The following CAPN5 variants were observed in gnomAD, a reference collection of about 807,000 sequenced individuals.
CAPN5 encodes the protein calpain-5.
CAPN5 carries 54 observed loss-of-function variants against 73.0 expected under a neutral mutation model. That is an observed-to-expected ratio of 0.74 (90% CI 0.59 to 0.93). The LOEUF (loss-of-function observed/expected upper bound fraction) is 0.93, where lower values mean the gene tolerates loss of function less well. CAPN5 is among the 40% of genes least tolerant of loss of function. The pLI is 0.00. For missense variants in CAPN5, 785 were observed against 882.9 expected (o/e 0.89, Z 1.41); for synonymous variants, 335 against 356.9 (o/e 0.94, Z 0.69).
At chr11:77,088,904 G>A (rs1555036063) in intron 2 of CAPN5, among the ~76,000 whole-genome samples, 4 of 152,152 alleles carry the variant, frequency 2.6e-5, no homozygotes, top group South Asian at 2.1e-4. Context: ...GCAGGGGAGC[G>A]GTGACTGCAG....
At chr11:77,100,553 G>C (rs922522082) in intron 3 of CAPN5, among the ~76,000 whole-genome samples, 2 of 152,252 alleles carry the variant, frequency 1.3e-5, no homozygotes, top group South Asian at 2.1e-4. Context: ...AGTAGAAGTT[G>C]ATCACACCCA....
In CAPN5 at chr11:77,085,032, T is replaced by C. The variant is rs1555035254; in HGVS notation, c.146T>C (p.Val49Ala). Reference protein sequence around the residue: ...LYYKGTPGPAVRWKRPKGICE... With the variant: ...LYYKGTPGPAARWKRPKGICE... ...TATAAGGGCACGCCGGGGCCCGCCGTCAGGTGGAAGCGACCCAAGGTCAGT... is the reference window on the plus strand; with the variant it reads ...TATAAGGGCACGCCGGGGCCCGCCGCCAGGTGGAAGCGACCCAAGGTCAGT... Residue 49 changes from valine (V) to alanine (A), a missense_variant, in exon 2 of 13, where the codon GTC becomes GCC. Physicochemically the swap from Val to Ala is moderately conservative, Grantham distance 64. Transcript: ENST00000648180. 2 of 1,613,450 alleles carry C rather than the reference T, an allele frequency of 1.2e-6. No homozygotes were observed. The highest frequency in any genetic ancestry group is 1.7e-6 in the Non-Finnish European group (2 of 1,180,006).
intron 1 of CAPN5, among the ~76,000 whole-genome samples, chr11:77,084,319 C>CTCACG (rs1950058714): frequency 5.9e-5 from 9 of 152,168 alleles, no homozygotes; most frequent in Admixed American, 5.9e-4. Flanking sequence ...ACGCCTATTC[C>CTCACG]CAAGATGCTG....
intron 2 of CAPN5, chr11:77,087,938 C>T (rs938829731): frequency 6.5e-7 from 1 of 1,536,052 alleles, no homozygotes; most frequent in African/African-American, 1.4e-5. Context: ...TTTGTTCTTT[C>T]CAGTACAGTG....
intron 1 of CAPN5, among the ~76,000 whole-genome samples, chr11:77,077,560 G>A (rs1362231517): frequency 1.3e-5 from 2 of 150,238 alleles, no homozygotes; most frequent in Non-Finnish European, 3.0e-5. Flanking sequence ...ATGGAGTTTC[G>A]CTCTTGTCTC....
At chr11:77,100,025 T>C (rs1235972496) in intron 3 of CAPN5, among the ~76,000 whole-genome samples, 2 of 152,136 alleles carry the variant, frequency 1.3e-5, no homozygotes, top group African/African-American at 4.8e-5. Context: ...TTAGTAGAGA[T>C]GGGGTTTCAC....
In CAPN5 at chr11:77,114,330, CT is replaced by C; in HGVS notation, c.596del (p.Leu199ArgfsTer21). The C allele has an allele frequency of 6.2e-7, 1 of 1,614,172 alleles. No individual in the cohort carries two copies. The highest frequency in any genetic ancestry group is 1.6e-4 in the Middle Eastern group (1 of 6,062). Reference sequence around the variant, plus strand: ...GGGTGGTGTTTCTGAGCCCATCGACCTGACCGAGGGTGACTTTGCCAACGAT... The same window carrying C: ...GGGTGGTGTTTCTGAGCCCATCGACCGACCGAGGGTGACTTTGCCAACGAT... ...FTGGVSEPID[L>X]TEGDFANDET... is the part of the protein sequence containing the mutation. On this transcript the variant is annotated frameshift_variant, in exon 5 of 13. Transcript: ENST00000648180. LOFTEE classifies it high-confidence loss of function.
At chr11:77,094,155 C>T (rs1950184660) in intron 3 of CAPN5, among the ~76,000 whole-genome samples, 1 of 152,242 alleles carries the variant, frequency 6.6e-6, no homozygotes, top group Admixed American at 6.5e-5. Context: ...ACTGATGGGG[C>T]TCAGGAGACC....
intron 3 of CAPN5, chr11:77,102,831 A>T: frequency 6.4e-7 from 1 of 1,567,502 alleles, no homozygotes; most frequent in Non-Finnish European, 8.6e-7. Flanking sequence ...TGGCAGCAGC[A>T]CTTGGGCCAT....
At position 77,093,691 on chromosome 11, in the gene CAPN5, G is replaced by A. The variant is rs1333223218; in HGVS notation, c.175G>A (p.Glu59Lys). Residue 59 changes from glutamate (E) to lysine (K), a missense_variant, in exon 3 of 13, where the codon GAG (glutamate) becomes AAG (lysine). Physicochemically the swap from Glu to Lys is moderately conservative, Grantham distance 56 (BLOSUM62 1). Transcript: ENST00000648180. Reference protein sequence around the residue: ...VRWKRPKGICEDPRLFVDGIS... With the variant: ...VRWKRPKGICKDPRLFVDGIS... Reference sequence around the variant, plus strand: ...CTCGCCTTCTCCGCAGGGCATCTGCGAGGACCCCCGCCTCTTTGTGGATGG... The same window carrying A: ...CTCGCCTTCTCCGCAGGGCATCTGCAAGGACCCCCGCCTCTTTGTGGATGG... The A allele has an allele frequency of 3.1e-5, 50 of 1,594,414 alleles. No homozygotes were observed. The highest frequency in any genetic ancestry group is 1.8e-4 in the East Asian group (8 of 44,094).
At chr11:77,105,985 C>G (rs1555039795) in intron 3 of CAPN5, among the ~76,000 whole-genome samples, 1 of 152,184 alleles carries the variant, frequency 6.6e-6, no homozygotes, top group East Asian at 1.9e-4. Context: ...GGCCCCATGA[C>G]ACTGGTCCCT....
At chr11:77,091,841 C>A (rs1164604854) in intron 2 of CAPN5, among the ~76,000 whole-genome samples, 3 of 152,232 alleles carry the variant, frequency 2.0e-5, no homozygotes, top group Non-Finnish European at 4.4e-5. Context: ...AGCTTCCTAG[C>A]ACCTGAAAAT....
At chr11:77,098,894 G>A (rs1950249198) in intron 3 of CAPN5, among the ~76,000 whole-genome samples, 1 of 130,000 alleles carries the variant, frequency 7.7e-6, no homozygotes, top group African/African-American at 3.2e-5. Context: ...CTTCCCAGAT[G>A]GGGTGGCTGC....
rs149349503 is a variant in CAPN5, at chr11:77,116,831, G to A, written c.971+528G>A. 2.8e-4 allele frequency among the ~76,000 whole-genome samples: 42 copies of A among 152,334 alleles called. No individual in the cohort carries two copies. The East Asian group carries it at 4.0e-3, about 15-fold the overall frequency. On this transcript the variant is annotated intron_variant, in intron 7 of 12. Transcript: ENST00000648180. ...AGACTTGAGGTACAGAGTAGGCCTT[G>A]GTGGGCAAGGAAGAGGACGTGGCTC...
In CAPN5 at chr11:77,119,540, T is replaced by C. The variant is rs1463885320; in HGVS notation, c.1290+388T>C. 3.0e-5 allele frequency: 6 copies of C among 200,056 alleles called. No individual in the cohort carries two copies. In the South Asian group the frequency reaches 6.5e-4, roughly 22 times the overall value. The allele number at this position is 200,056 out of a possible 1,614,324, so 12.4% of individuals were successfully genotyped here. Reference sequence around the variant, plus strand: ...TTGCAGCCCCTTAGCCTTCCTGCATTGGAGGCCTTGCTGGGCACCAGGAGG... The same window carrying C: ...TTGCAGCCCCTTAGCCTTCCTGCATCGGAGGCCTTGCTGGGCACCAGGAGG... On this transcript the variant is annotated intron_variant, in intron 9 of 12. Transcript: ENST00000648180.
At chr11:77,075,928 A>AT (rs1422502859) in intron 1 of CAPN5, among the ~76,000 whole-genome samples, 1 of 152,134 alleles carries the variant, frequency 6.6e-6, no homozygotes, top group African/African-American at 2.4e-5. Flanking sequence ...AAAAAAATGG[A>AT]TTTTTTAAAT....
chr11:77,118,905 A>G, intron 8 of CAPN5, 125 bp from the exon 9 acceptor site: 1 of 1,054,356 alleles, frequency 9.5e-7, no homozygotes, highest in Non-Finnish European at 1.4e-6. Flanking sequence ...CAGCAGAGGG[A>G]CCAAGGCGCA....
At chr11:77,067,366 C>T (rs1386952166) in intron 1 of CAPN5, among the ~76,000 whole-genome samples, 3 of 149,896 alleles carry the variant, frequency 2.0e-5, no homozygotes, top group East Asian at 2.0e-4. Flanking sequence ...GTCTCCGAGT[C>T]GTTTTCCTAG....
At chr11:77,077,536 T>G (rs1384120053) in intron 1 of CAPN5, among the ~76,000 whole-genome samples, 6 of 151,986 alleles carry the variant, frequency 3.9e-5, no homozygotes, top group African/African-American at 1.2e-4. Flanking sequence ...AATTTTTTTT[T>G]TTTGTTTTTT....
Sources: allele counts gnomAD v4.1 joint callset (sites outside exome capture counted in the v4.1 genomes callset), GRCh38; gene constraint gnomAD v4.1.1; transcripts MANE v1.5; gene names NCBI Gene and HGNC (gene_info 2026-07-23, HGNC 2026-07-21).